Variants in ATP8A2 observed in about 807,000 individuals in gnomAD.
ATP8A2 encodes the protein phospholipid-transporting ATPase IB.
In ATP8A2, 100 loss-of-function variants were observed where a neutral mutation model predicts 165.6. That is an observed-to-expected ratio of 0.60 (90% CI 0.51 to 0.71). ATP8A2 has a LOEUF of 0.71. Among genes scored for constraint, ATP8A2 ranks in the 30% least tolerant of loss-of-function variants. The pLI, the probability that ATP8A2 is intolerant of heterozygous loss-of-function variation, is 0.00. For synonymous variants in ATP8A2, 543 were observed against 548.8 expected (o/e 0.99, Z 0.15); for missense variants, 1,227 against 1,479.5 (o/e 0.83, Z 2.80).
At chr13:25,929,625 G>A (rs566622161) in intron 33 of ATP8A2, among the ~76,000 whole-genome samples, 25 of 152,278 alleles carry the variant, frequency 1.6e-4, no homozygotes, top group African/African-American at 5.1e-4. Context: ...TTGGGAGGCC[G>A]AGATGGGAGG....
intron 2 of ATP8A2, among the ~76,000 whole-genome samples, chr13:25,498,314 T>G (rs531815812): frequency 6.6e-6 from 1 of 152,216 alleles, no homozygotes; most frequent in Non-Finnish European, 1.5e-5. Flanking sequence ...CTAATAGAAT[T>G]TGATATTTCA....
chr13:25,662,756 G>T (rs1225746925), intron 24 of ATP8A2, among the ~76,000 whole-genome samples: 1 of 152,180 alleles, frequency 6.6e-6, no homozygotes, highest in Admixed American at 6.5e-5. Context: ...TTAGCCGGTG[G>T]ATCTGAGCAC....
intron 27 of ATP8A2, among the ~76,000 whole-genome samples, chr13:25,795,299 G>A (rs1950478646): frequency 6.6e-6 from 1 of 152,090 alleles, no homozygotes; most frequent in African/African-American, 2.4e-5. Flanking sequence ...TATTTAAAAT[G>A]CTTATGTTTC....
At chr13:25,870,439 G>A (rs887614548) in intron 33 of ATP8A2, among the ~76,000 whole-genome samples, 3 of 152,234 alleles carry the variant, frequency 2.0e-5, no homozygotes, top group Non-Finnish European at 2.9e-5. Context: ...CCCCCATTCT[G>A]TATCATTTAA....
chr13:25,822,918 T>A (rs1203278210), intron 27 of ATP8A2, among the ~76,000 whole-genome samples: 1 of 152,224 alleles, frequency 6.6e-6, no homozygotes, highest in Non-Finnish European at 1.5e-5. Flanking sequence ...GAGACTGAAA[T>A]ACTACATATT....
chr13:25,630,359 C>G (rs1429870977), intron 24 of ATP8A2, among the ~76,000 whole-genome samples: 2 of 152,190 alleles, frequency 1.3e-5, no homozygotes, highest in Non-Finnish European at 2.9e-5. Context: ...GAAGTGGCAG[C>G]GTTGATCTCC....
At chr13:25,583,264 A>G (rs1203880587) in intron 23 of ATP8A2, among the ~76,000 whole-genome samples, 2 of 152,160 alleles carry the variant, frequency 1.3e-5, no homozygotes, top group East Asian at 3.8e-4. Context: ...GTTTGGCCTA[A>G]AACACCTGCT....
intron 35 of ATP8A2, among the ~76,000 whole-genome samples, chr13:25,970,324 G>A (rs1056250874): frequency 6.6e-6 from 1 of 152,156 alleles, no homozygotes; most frequent in East Asian, 1.9e-4. Flanking sequence ...TGTGGGGAGG[G>A]GTCATCTGGC....
chr13:25,453,381 C>T (rs1185749239), intron 1 of ATP8A2, among the ~76,000 whole-genome samples: 1 of 152,104 alleles, frequency 6.6e-6, no homozygotes, highest in Non-Finnish European at 1.5e-5. Context: ...CCGCCTCAGC[C>T]TCCCAAAGTA....
chr13:25,495,124 G>A (rs2036635162), intron 2 of ATP8A2, among the ~76,000 whole-genome samples: 1 of 152,188 alleles, frequency 6.6e-6, no homozygotes, highest in South Asian at 2.1e-4. Flanking sequence ...AACACAACAA[G>A]AACAGGAAGT....
At chr13:25,929,726 C>T (rs577239931) in intron 33 of ATP8A2, among the ~76,000 whole-genome samples, 3 of 152,170 alleles carry the variant, frequency 2.0e-5, no homozygotes, top group African/African-American at 7.2e-5. Context: ...GGTGGCGCTG[C>T]ACCTCGACAA....
intron 24 of ATP8A2, among the ~76,000 whole-genome samples, chr13:25,690,016 A>G (rs960848810): frequency 1.2e-4 from 18 of 152,232 alleles, no homozygotes; most frequent in African/African-American, 3.9e-4. Flanking sequence ...TTTAGCAAAT[A>G]AAAGGATTCC....
At chr13:25,580,275 C>T (rs1463652577) in intron 22 of ATP8A2, among the ~76,000 whole-genome samples, 1 of 152,250 alleles carries the variant, frequency 6.6e-6, no homozygotes, top group Non-Finnish European at 1.5e-5. Context: ...AATCAGAATG[C>T]TGTGGAGGCT....
At chr13:25,539,795 T>C (rs1233245473) in intron 7 of ATP8A2, among the ~76,000 whole-genome samples, 1 of 152,226 alleles carries the variant, frequency 6.6e-6, no homozygotes, top group Non-Finnish European at 1.5e-5. Flanking sequence ...GTTTTCTATC[T>C]TTAATGCTAG....
Position 25,542,063 on chromosome 13 carries a change from C to T in ATP8A2, c.779+17C>T. 1 of 1,611,192 alleles carries T rather than the reference C, an allele frequency of 6.2e-7. No individual in the cohort carries two copies. The highest frequency in any genetic ancestry group is 1.1e-5 in the South Asian group (1 of 90,852). On this transcript the variant is annotated intron_variant, in intron 9 of 36. Transcript: ENST00000381655. ...TGGGAAAAGGTATTATATGCCTTTT[C>T]TTCATTGTCTTTTAAACTATGTGAC...
At chr13:25,642,715 A>G (rs977889141) in intron 24 of ATP8A2, among the ~76,000 whole-genome samples, 1 of 152,212 alleles carries the variant, frequency 6.6e-6, no homozygotes, top group African/African-American at 2.4e-5. Context: ...ATTACTGGGT[A>G]TATACCCAAA....
intron 33 of ATP8A2, among the ~76,000 whole-genome samples, chr13:25,878,124 C>T (rs1952867965): frequency 6.6e-6 from 1 of 152,038 alleles, no homozygotes; most frequent in African/African-American, 2.4e-5. Context: ...TGTTCTGTAG[C>T]GTGAAGAAGA....
chr13:25,831,075 G>A (rs554357411), intron 28 of ATP8A2, among the ~76,000 whole-genome samples: 9 of 152,286 alleles, frequency 5.9e-5, no homozygotes, highest in African/African-American at 9.6e-5. Flanking sequence ...ATTTGCTAGT[G>A]ATCCTCCTCT....
chr13:25,442,199 A>C (rs562738570), intron 1 of ATP8A2, among the ~76,000 whole-genome samples: 20 of 152,304 alleles, frequency 1.3e-4, no homozygotes, highest in Admixed American at 2.6e-4. Context: ...TGCTGCTATA[A>C]ACATGGGTGT....
Sources: gnomAD v4.1 joint callset for allele counts (sites outside exome capture counted in the v4.1 genomes callset) on GRCh38, gnomAD v4.1.1 for gene constraint, MANE v1.5 for transcripts, NCBI Gene and HGNC (gene_info 2026-07-23, HGNC 2026-07-21) for gene names.